Variants in ARVCF observed in about 807,000 individuals in gnomAD.
The protein encoded by ARVCF is ARVCF delta catenin family member, also known as splicing regulator ARVCF.
Under a neutral mutation model 90.9 loss-of-function variants are expected in ARVCF, and 66 were observed. The ratio of observed to expected loss-of-function variants is 0.73; its 90% CI spans 0.60 to 0.89. The LOEUF (loss-of-function observed/expected upper bound fraction) is 0.89. Ranked by LOEUF, ARVCF falls within the 40% of genes least tolerant of loss-of-function variation. The probability of loss-of-function intolerance (pLI) is 0.00; values close to 1 mark genes in which losing one functional copy is unlikely to be tolerated. For missense variants in ARVCF, 1,469 were observed against 1,382.3 expected, an observed-to-expected ratio of 1.06 and a Z score of -1.00; for synonymous variants, 653 against 603.4, an observed-to-expected ratio of 1.08 and a Z score of -1.21.
chr22:19,995,613 G>A (rs1423921056), intron 2 of ARVCF, among the ~76,000 whole-genome samples: 2 of 152,206 alleles, frequency 1.3e-5, no homozygotes, highest in Non-Finnish European at 2.9e-5. Context: ...CTCCTCGGGA[G>A]TGCGGCCAGA....
chr22:19,989,939 T>C (rs1370082565), intron 3 of ARVCF, among the ~76,000 whole-genome samples: 1 of 152,234 alleles, frequency 6.6e-6, no homozygotes, highest in African/African-American at 2.4e-5. Context: ...CTGCATGTAC[T>C]TGTTCCGGCC....
At chr22:20,003,269 T>G (rs1944506401) in intron 2 of ARVCF, among the ~76,000 whole-genome samples, 1 of 152,230 alleles carries the variant, frequency 6.6e-6, no homozygotes, top group Non-Finnish European at 1.5e-5. Context: ...CACTGGTGTA[T>G]TCTACCAAAC....
intron 2 of ARVCF, among the ~76,000 whole-genome samples, chr22:19,999,376 A>G (rs996172361): frequency 2.6e-5 from 4 of 152,168 alleles, no homozygotes; most frequent in African/African-American, 9.7e-5. Context: ...GGAGAGATCC[A>G]TCCTTTTGTA....
chr22:19,966,436 TAAAAAAA>T (rs362115), downstream of ARVCF, among the ~76,000 whole-genome samples: 1 of 135,304 alleles, frequency 7.4e-6, no homozygotes, highest in Non-Finnish European at 1.6e-5. Context: ...AGTTCCCCCT[TAAAAAAA>T]AAAAAAAAAA....
In ARVCF at chr22:19,977,960, TG is replaced by T; in HGVS notation, c.1695del (p.Asn565LysfsTer40). 1 of 1,604,866 alleles carries T rather than the reference TG, an allele frequency of 6.2e-7. No individual in the cohort carries two copies. The highest frequency in any genetic ancestry group is 8.5e-7 in the Non-Finnish European group (1 of 1,175,566). The part of the protein sequence containing the change: ...QSAVGRKDTD[N>X]KSVENCVCIM... Reference sequence around the variant, plus strand: ...AGGCTGTGACCGTCCCTGCCCACCTTGTTGTCAGTGTCCTTCCGGCCCACAG... The same window carrying T: ...AGGCTGTGACCGTCCCTGCCCACCTTTTGTCAGTGTCCTTCCGGCCCACAG... On this transcript the variant is annotated frameshift_variant, in exon 8 of 20. Transcript: ENST00000263207. LOFTEE classifies it high-confidence loss of function.
intron 6 of ARVCF, 189 bp downstream of exon 6, chr22:19,979,554 G>T: frequency 2.2e-6 from 2 of 889,106 alleles, no homozygotes; most frequent in Non-Finnish European, 3.3e-6. Flanking sequence ...TGCTATGGTA[G>T]AGACTGGGGA....
In ARVCF at chr22:20,010,915, G is replaced by C. The variant is rs550817596; in HGVS notation, c.-72-407C>G. 9.5e-4 allele frequency among the ~76,000 whole-genome samples: 145 copies of C among 152,328 alleles called. 1 individual carries two copies. The highest frequency in any genetic ancestry group is 6.8e-3 in the Middle Eastern group (2 of 294). ...ATAAGACATCTGCTCCACCTCCCTA[G>C]AGTCCGCTCCCGCCTTGTGGGCGAG... On this transcript the variant is annotated intron_variant, in intron 1 of 19. Transcript: ENST00000263207.
At chr22:19,976,613 T>TGGGGCAGGGCCCTGGGGC in intron 10 of ARVCF, 93 bp downstream of exon 10, 3 of 1,475,802 alleles carry the variant, frequency 2.0e-6, no homozygotes, top group Non-Finnish European at 1.8e-6. Context: ...AAGCCAGGGG[T>TGGGGCAGGGCCCTGGGGC]GGGGCAGGGC....
downstream of ARVCF, among the ~76,000 whole-genome samples, chr22:19,966,269 A>G (rs879416208): frequency 2.3e-4 from 35 of 151,990 alleles, no homozygotes; most frequent in Non-Finnish European, 4.9e-4. Context: ...GTGAGGGTCT[A>G]GCCATCCCCT....
intron 2 of ARVCF, among the ~76,000 whole-genome samples, chr22:19,995,510 C>T (rs181024060): frequency 6.6e-6 from 1 of 152,280 alleles, no homozygotes; most frequent in East Asian, 1.9e-4. Context: ...GTCAGGAACA[C>T]GAAGGCATGG....
At chr22:19,985,877 G>A (rs551530332) in intron 3 of ARVCF, among the ~76,000 whole-genome samples, 27 of 152,336 alleles carry the variant, frequency 1.8e-4, no homozygotes, top group African/African-American at 5.8e-4. Context: ...GCTGCTGTCC[G>A]ATGGATGAAT....
rs763194383 is a variant in ARVCF, at chr22:19,990,841, G to A, written c.-18-29C>T. On this transcript the variant is annotated intron_variant, in intron 2 of 19. Transcript: ENST00000263207. ...CAGGCAAAGCAGAGTAAGCTCAGTG[G>A]GGTGGGGCACAGCCTGGCAAGGCCA... is the stretch of plus-strand genomic sequence containing the variant. The A allele has an allele frequency of 1.0e-5, 16 of 1,534,224 alleles. No homozygotes were observed. In the African/African-American group the frequency reaches 2.1e-4, roughly 20 times the overall value.
chr22:19,983,972 T>A (rs1943634004), intron 3 of ARVCF, among the ~76,000 whole-genome samples: 1 of 152,196 alleles, frequency 6.6e-6, no homozygotes, highest in South Asian at 2.1e-4. Context: ...GGGGCTGGGC[T>A]GCCCCATCTG....
chr22:19,973,435 A>T, intron 13 of ARVCF, 118 bp from the exon 14 acceptor site: 1 of 1,344,754 alleles, frequency 7.4e-7, no homozygotes, highest in East Asian at 2.5e-5. Context: ...GCCTGTGTGC[A>T]GGCGGTCACA....
chr22:20,009,999 T>C (rs1310008773), intron 2 of ARVCF, among the ~76,000 whole-genome samples: 1 of 152,214 alleles, frequency 6.6e-6, no homozygotes, highest in East Asian at 1.9e-4. Flanking sequence ...AACAAAGTTT[T>C]GTGTGCCTGG....
chr22:19,968,511 C>G (rs1942552199), downstream of ARVCF: 3 of 1,608,760 alleles, frequency 1.9e-6, no homozygotes, highest in Admixed American at 5.0e-5. Flanking sequence ...ACCCTCACCT[C>G]CCCCACCCCC....
At position 19,973,748 on chromosome 22, in the gene ARVCF, G is replaced by A; in HGVS notation, c.2134C>T (p.Pro712Ser). 6.2e-7 allele frequency: 1 copy of A among 1,608,414 alleles called. No individual in the cohort carries two copies. Among genetic ancestry groups the A allele is most frequent in the African/African-American group, 1.3e-5 (1 of 75,064 alleles). ...GACTGCAGCAGTTCCACAAGCACCG[G>A]CAGCCCGCGCTCTTTGCGCACTGTG... ...RATVRKERGLPVLVELLQSET... is the reference protein window; with the variant it reads ...RATVRKERGLSVLVELLQSET... The change falls in exon 13 of 20, where the codon CCG (proline) becomes TCG (serine). Residue 712 changes from proline (P) to serine (S), a missense_variant. Transcript: ENST00000263207.
At chr22:19,985,847 C>T (rs1943739197) in intron 3 of ARVCF, among the ~76,000 whole-genome samples, 1 of 152,258 alleles carries the variant, frequency 6.6e-6, no homozygotes, top group African/African-American at 2.4e-5. Flanking sequence ...GCAGGCCAGG[C>T]TCCCAGAGGG....
At chr22:19,985,114 T>C (rs1158843023) in intron 3 of ARVCF, among the ~76,000 whole-genome samples, 1 of 152,174 alleles carries the variant, frequency 6.6e-6, no homozygotes, top group Non-Finnish European at 1.5e-5. Context: ...GACCCAACTC[T>C]GGGCTGCTCC....
Sources: allele counts gnomAD v4.1 joint callset (sites outside exome capture counted in the v4.1 genomes callset), GRCh38; gene constraint gnomAD v4.1.1; transcripts MANE v1.5; gene names NCBI Gene and HGNC (gene_info 2026-07-23, HGNC 2026-07-21).